NRXN1: variants seen among roughly 807,000 people sequenced by gnomAD.
NRXN1 encodes the protein neurexin-1.
NRXN1 carries 39 observed loss-of-function variants against 150.9 expected under a neutral mutation model. The ratio of observed to expected loss-of-function variants is 0.26; its 90% CI spans 0.20 to 0.34. NRXN1 has a LOEUF of 0.34. Among genes scored for constraint, NRXN1 ranks in the 10% least tolerant of loss-of-function variants. The probability of loss-of-function intolerance (pLI) is 1.00; values close to 1 mark genes in which losing one functional copy is unlikely to be tolerated. For synonymous variants in NRXN1, 924 were observed against 757.0 expected (o/e 1.22, Z -3.62); for missense variants, 1,815 against 1,949.9 (o/e 0.93, Z 1.30).
chr2:50,770,547 T>C (rs757747436), intron 5 of NRXN1, among the ~76,000 whole-genome samples: 18 of 152,090 alleles, frequency 1.2e-4, no homozygotes, highest in Non-Finnish European at 2.2e-4. Flanking sequence ...ATTAGGTCTA[T>C]GATTAATTTT....
At chr2:50,375,271 A>G in intron 17 of NRXN1, among the ~76,000 whole-genome samples, 1 of 151,892 alleles carries the variant, frequency 6.6e-6, no homozygotes, top group Non-Finnish European at 1.5e-5. Context: ...TTTATAATAA[A>G]AACAATGATA....
chr2:50,961,987 T>C (rs11886723), intron 2 of NRXN1, among the ~76,000 whole-genome samples: 16 of 150,712 alleles, frequency 1.1e-4, no homozygotes, highest in Admixed American at 9.3e-4. Flanking sequence ...AGAAGAAAAA[T>C]TTAAATAAAA....
At chr2:50,061,255 C>T (rs901139539) in intron 19 of NRXN1, among the ~76,000 whole-genome samples, 4 of 152,054 alleles carry the variant, frequency 2.6e-5, no homozygotes, top group Non-Finnish European at 5.9e-5. Context: ...ACATCTAGAC[C>T]TTACATGCAA....
chr2:50,807,368 A>T (rs950988642), intron 5 of NRXN1, among the ~76,000 whole-genome samples: 1 of 152,126 alleles, frequency 6.6e-6, no homozygotes, highest in Admixed American at 6.6e-5. Context: ...TTCTTACCCC[A>T]TTCATGAGCT....
intron 10 of NRXN1, among the ~76,000 whole-genome samples, chr2:50,534,321 T>C (rs1186275334): frequency 1.3e-5 from 2 of 152,156 alleles, no homozygotes; most frequent in Non-Finnish European, 1.5e-5. Flanking sequence ...AGTGTCTATT[T>C]ATCAAAACAG....
chr2:50,186,238 G>A (rs561831684), intron 18 of NRXN1, among the ~76,000 whole-genome samples: 143 of 151,980 alleles, frequency 9.4e-4, no homozygotes, highest in Non-Finnish European at 1.8e-3. Flanking sequence ...TGTATACTAC[G>A]CTCAACTAAC....
intron 18 of NRXN1, among the ~76,000 whole-genome samples, chr2:50,168,804 A>G (rs2059841141): frequency 1.3e-5 from 2 of 151,836 alleles, no homozygotes; most frequent in South Asian, 4.2e-4. Flanking sequence ...GCCATCCAAG[A>G]CTCTTGCTTG....
chr2:50,623,235 T>G (rs958751116), intron 6 of NRXN1, 79 bp downstream of exon 6: 1 of 1,133,526 alleles, frequency 8.8e-7, no homozygotes, highest in African/African-American at 1.5e-5. Flanking sequence ...TGTATCATGT[T>G]GTTAGAGTAT....
intron 5 of NRXN1, among the ~76,000 whole-genome samples, chr2:50,813,116 C>A (rs186567252): frequency 6.6e-6 from 1 of 151,986 alleles, no homozygotes; most frequent in Non-Finnish European, 1.5e-5. Flanking sequence ...ATGGCTTGAG[C>A]CTGGGGGACT....
intron 5 of NRXN1, among the ~76,000 whole-genome samples, chr2:50,634,237 G>T (rs528300259): frequency 1.3e-5 from 2 of 152,294 alleles, no homozygotes; most frequent in East Asian, 3.9e-4. Flanking sequence ...CTATTGTGTG[G>T]AAAATAAACT....
At chr2:50,107,238 T>C in intron 18 of NRXN1, among the ~76,000 whole-genome samples, 1 of 139,234 alleles carries the variant, frequency 7.2e-6, no homozygotes, top group East Asian at 2.1e-4. Flanking sequence ...TGGAAGGACA[T>C]GCATTACTTC....
At chr2:49,947,543 G>T (rs1349936910) in intron 21 of NRXN1, among the ~76,000 whole-genome samples, 1 of 123,740 alleles carries the variant, frequency 8.1e-6, no homozygotes, top group Non-Finnish European at 1.6e-5. Context: ...TAGAGATAAG[G>T]TTCCAGCTCA....
rs201579543 is a variant in NRXN1, at chr2:50,419,793, T to C, written c.3364+45649A>G. On this transcript the variant is annotated intron_variant, in intron 17 of 22. Transcript: ENST00000401669. ...AAATATATATTTGTATCTCCTCCCA[T>C]TATATGCTTTTATGAGAGATGGTTA... Among the ~76,000 whole-genome samples, 5 of 152,062 alleles carry C rather than the reference T, an allele frequency of 3.3e-5. No individual in the cohort carries two copies. In the East Asian group the frequency reaches 9.6e-4, roughly 29 times the overall value.
chr2:50,067,926 G>T (rs1695605977), intron 19 of NRXN1, among the ~76,000 whole-genome samples: 1 of 152,028 alleles, frequency 6.6e-6, no homozygotes, highest in Non-Finnish European at 1.5e-5. Flanking sequence ...AAATTATGTG[G>T]TTCAGCTGAA....
intron 21 of NRXN1, among the ~76,000 whole-genome samples, chr2:49,985,404 G>T (rs900698893): frequency 3.3e-5 from 5 of 152,062 alleles, no homozygotes; most frequent in Non-Finnish European, 7.4e-5. Flanking sequence ...ACTATTCTTA[G>T]AATTTTCCTC....
chr2:50,451,055 C>G (rs910525688), intron 17 of NRXN1, among the ~76,000 whole-genome samples: 1 of 152,150 alleles, frequency 6.6e-6, no homozygotes, highest in African/African-American at 2.4e-5. Flanking sequence ...CAACCTCCGC[C>G]TCTCGGATTC....
intron 18 of NRXN1, among the ~76,000 whole-genome samples, chr2:50,159,179 C>A (rs1172875862): frequency 6.6e-6 from 1 of 152,116 alleles, no homozygotes; most frequent in African/African-American, 2.4e-5. Context: ...AGTCCTGGAA[C>A]TGATCAGTTG....
At chr2:50,647,719 T>C (rs1685021793) in intron 5 of NRXN1, among the ~76,000 whole-genome samples, 2 of 151,912 alleles carry the variant, frequency 1.3e-5, no homozygotes, top group Admixed American at 6.6e-5. Context: ...ATTACAGCCT[T>C]AAAATTCAGG....
intron 21 of NRXN1, among the ~76,000 whole-genome samples, chr2:49,992,905 ACAC>A (rs1413810726): frequency 6.6e-6 from 1 of 152,204 alleles, no homozygotes; most frequent in East Asian, 1.9e-4. Context: ...AACACTGACA[ACAC>A]CAAATGCTGG....
Sources: allele counts gnomAD v4.1 joint callset (sites outside exome capture counted in the v4.1 genomes callset), GRCh38; gene constraint gnomAD v4.1.1; transcripts MANE v1.5; gene names NCBI Gene and HGNC (gene_info 2026-07-23, HGNC 2026-07-21).